The following KIF3C variants were observed in gnomAD, a reference collection of about 807,000 sequenced individuals.
KIF3C encodes the protein kinesin-like protein KIF3C.
In KIF3C, 12 loss-of-function variants were observed where a neutral mutation model predicts 67.7. That is an observed-to-expected ratio of 0.18 (90% CI 0.11 to 0.29). The LOEUF is 0.29. Ranked by LOEUF, KIF3C falls within the 10% of genes least tolerant of loss-of-function variation. The probability of loss-of-function intolerance (pLI) is 1.00; values close to 1 mark genes in which losing one functional copy is unlikely to be tolerated. For missense variants in KIF3C, 789 were observed against 1,059.6 expected, an observed-to-expected ratio of 0.74 and a Z score of 3.55; for synonymous variants, 393 against 426.2, an observed-to-expected ratio of 0.92 and a Z score of 0.96.
intron 5 of KIF3C, among the ~76,000 whole-genome samples, chr2:25,942,218 C>T (rs887597152): frequency 2.7e-5 from 4 of 150,902 alleles, no homozygotes; most frequent in East Asian, 2.0e-4. Flanking sequence ...ATTAGCTGGG[C>T]GTGGTGGCAC....
chr2:25,981,120 T>A lies in KIF3C; in HGVS notation c.798A>T (p.Thr266=), dbSNP rs1470010315. The A allele has an allele frequency of 6.2e-7, 1 of 1,614,094 alleles. No individual in the cohort carries two copies. The highest frequency in any genetic ancestry group is 1.7e-5 in the Admixed American group (1 of 60,016). Residue 266 remains threonine, a synonymous_variant, in exon 1 of 8, where the codon ACA becomes ACT. Coordinates refer to ENST00000264712, the MANE Select transcript of KIF3C (RefSeq NM_002254.8). This position sits in a 1 kb window ranked among gnomAD's most constrained non-coding sequence, Gnocchi z 8.2. ...CGCCACCACCGCCACCCGAGGATGG[T>A]GTGGCTGCCCCTCCCGCTGTGTTGG... ...AGPNTAGGAA[T]PSSGGGGGGG... is the part of the protein sequence containing the mutation.
intron 1 of KIF3C, among the ~76,000 whole-genome samples, chr2:25,977,778 C>T (rs1287028370): frequency 6.6e-6 from 1 of 152,186 alleles, no homozygotes; most frequent in East Asian, 1.9e-4. Context: ...GTAGATTCCT[C>T]AAGAGCCCTC....
rs1056445145 is a variant in KIF3C at position 25,955,379 on chromosome 2, G to A, written c.1770+162C>T. Among the ~76,000 whole-genome samples, 2 of 150,248 alleles carry A rather than the reference G, an allele frequency of 1.3e-5. No individual in the cohort carries two copies. The highest frequency in any genetic ancestry group is 3.9e-4 in the East Asian group (2 of 5,086). On this transcript the variant is annotated intron_variant, in intron 3 of 7. Transcript: ENST00000264712. The surrounding 1 kb of genome is among the most constrained non-coding windows in gnomAD (Gnocchi z 5.0). ...AGGCTCTACTCCACCCCCAGCCCCC[G>A]CCTCCTGCCTCCCCCTGTTGCTCAC...
chr2:25,967,664 T>C (rs1664177944), intron 1 of KIF3C, among the ~76,000 whole-genome samples: 1 of 152,170 alleles, frequency 6.6e-6, no homozygotes, highest in African/African-American at 2.4e-5. Context: ...TTTTAAAAAT[T>C]AGCCAGGCGT....
chr2:25,949,353 C>A (rs34344489), intron 5 of KIF3C, among the ~76,000 whole-genome samples: 1 of 151,988 alleles, frequency 6.6e-6, no homozygotes, highest in Admixed American at 6.6e-5. Flanking sequence ...GCAGGCAGAT[C>A]GCTTCAGCCC....
intron 1 of KIF3C, among the ~76,000 whole-genome samples, chr2:25,967,050 G>A (rs1188232892): frequency 6.6e-6 from 1 of 152,186 alleles, no homozygotes; most frequent in African/African-American, 2.4e-5. Flanking sequence ...TTTCTTCCAG[G>A]TTCAGACAGG....
chr2:25,952,306 A>AC (rs1176989762), intron 4 of KIF3C, among the ~76,000 whole-genome samples: 1 of 152,044 alleles, frequency 6.6e-6, no homozygotes, highest in Non-Finnish European at 1.5e-5. Context: ...GTCTCAAAAA[A>AC]AAATAAGTTA....
At position 25,963,089 on chromosome 2, in the gene KIF3C, CAT is replaced by C. The variant is rs1171472340; in HGVS notation, c.1546-6647_1546-6646del. 9.4e-3 allele frequency among the ~76,000 whole-genome samples: 828 copies of C among 88,156 alleles called. 29 individuals are homozygous for C. Among genetic ancestry groups the C allele is most frequent in the Middle Eastern group, 0.02 (3 of 152 alleles). 57.8% of individuals were successfully genotyped at this position (88,156 alleles called of 152,430 possible). ...ATACACACATACACACACATATATG[CAT>C]ATATATACATATACATGTGTACATA... On this transcript the variant is annotated intron_variant, in intron 1 of 7. Transcript: ENST00000264712.
At position 25,955,735 on chromosome 2, in the gene KIF3C, C is replaced by A; in HGVS notation, c.1648-72G>T. ...GGGAGGGCCAGGAAAGCTCAGGGGACTGGCTCACTCTGCCTGTCTCGGGAC... is the reference window on the plus strand; with the variant it reads ...GGGAGGGCCAGGAAAGCTCAGGGGAATGGCTCACTCTGCCTGTCTCGGGAC... On this transcript the variant is annotated intron_variant, in intron 2 of 7. Transcript: ENST00000264712. This position sits in a 1 kb window ranked among gnomAD's most constrained non-coding sequence, Gnocchi z 5.0. The A allele has an allele frequency of 6.4e-7, 1 of 1,558,012 alleles. No homozygotes were observed. Among genetic ancestry groups the A allele is most frequent in the South Asian group, 1.2e-5 (1 of 86,234 alleles).
chr2:25,932,151 G>A (rs973256290), intron 5 of KIF3C, among the ~76,000 whole-genome samples: 1 of 151,750 alleles, frequency 6.6e-6, no homozygotes, highest in Non-Finnish European at 1.5e-5. Flanking sequence ...ACAGGCGCAT[G>A]CCACCACATC....
chr2:25,981,929 G>A lies in KIF3C; in HGVS notation c.-12C>T. On this transcript the variant is annotated 5_prime_UTR_variant, in exon 1 of 8. Transcript: ENST00000264712. The surrounding 1 kb of genome is among the most constrained non-coding windows in gnomAD (Gnocchi z 8.2). ...GTCTTACTGGCCATCTTGCTGCTCT[G>A]ACCTTCCTGCCCCCGAGCCCCTCCG... The A allele has an allele frequency of 2.0e-6, 3 of 1,524,894 alleles. No individual in the cohort carries two copies. The highest frequency in any genetic ancestry group is 1.3e-5 in the South Asian group (1 of 79,634). The allele number at this position is 1,524,894 out of a possible 1,614,324, so 94.5% of individuals were successfully genotyped here.
chr2:25,928,933 C>T lies in KIF3C; in HGVS notation c.*45G>A, dbSNP rs2090433987. On this transcript the variant is annotated 3_prime_UTR_variant, in exon 8 of 8. Transcript: ENST00000264712. ...GATGAGATGAGCCAGGGTTGGCTGC[C>T]CCATCCCAGGAGTCTATTGGATGGG... 2 of 1,545,382 alleles carry T rather than the reference C, an allele frequency of 1.3e-6. No individual in the cohort carries two copies. Among genetic ancestry groups the T allele is most frequent in the Non-Finnish European group, 8.9e-7 (1 of 1,125,278 alleles).
chr2:25,948,484 C>T (rs775799324), intron 5 of KIF3C, among the ~76,000 whole-genome samples: 3 of 151,200 alleles, frequency 2.0e-5, no homozygotes, highest in African/African-American at 4.9e-5. Flanking sequence ...CCCAGGAGCC[C>T]GAAGCTGCAG....
chr2:25,943,725 C>T (rs1294367385), intron 5 of KIF3C, among the ~76,000 whole-genome samples: 2 of 151,870 alleles, frequency 1.3e-5, no homozygotes, highest in African/African-American at 4.8e-5. Context: ...ATTTGCCAGG[C>T]GTGGTGGCAC....
At chr2:25,937,482 A>G (rs1663165591) in intron 5 of KIF3C, among the ~76,000 whole-genome samples, 1 of 151,956 alleles carries the variant, frequency 6.6e-6, no homozygotes, top group Non-Finnish European at 1.5e-5. Context: ...CCGTGAGGAG[A>G]GGCAGCCTCA....
At chr2:25,950,259 C>G (rs898318476) in intron 5 of KIF3C, among the ~76,000 whole-genome samples, 5 of 150,738 alleles carry the variant, frequency 3.3e-5, no homozygotes, top group Non-Finnish European at 5.9e-5. Flanking sequence ...CTCTTGTTGC[C>G]CAGGCTGGAG....
intron 1 of KIF3C, among the ~76,000 whole-genome samples, chr2:25,968,651 C>T (rs753730227): frequency 2.5e-4 from 38 of 151,960 alleles, no homozygotes; most frequent in Admixed American, 9.8e-4. Context: ...AGATCAGGTG[C>T]GGGGCCCAGA....
At position 25,950,631 on chromosome 2, in the gene KIF3C, A is replaced by G. The variant is rs1376785998; in HGVS notation, c.2006+1158T>C. 2.0e-5 allele frequency among the ~76,000 whole-genome samples: 3 copies of G among 152,160 alleles called. No homozygotes were observed. In the East Asian group the frequency reaches 5.8e-4, roughly 29 times the overall value. On this transcript the variant is annotated intron_variant, in intron 5 of 7. Transcript: ENST00000264712. Reference sequence around the variant, plus strand: ...GGTTTTCTAGCCTGGCTTCAAATGCAGAATCACAAAACCTAAGACCTGGGA... The same window carrying G: ...GGTTTTCTAGCCTGGCTTCAAATGCGGAATCACAAAACCTAAGACCTGGGA...
intron 2 of KIF3C, among the ~76,000 whole-genome samples, chr2:25,956,068 C>G (rs1260812579): frequency 6.6e-6 from 1 of 152,212 alleles, no homozygotes; most frequent in Non-Finnish European, 1.5e-5. Flanking sequence ...AGAACTCACA[C>G]CACCTTGTGG....
Sources: allele counts gnomAD v4.1 joint callset (sites outside exome capture counted in the v4.1 genomes callset), GRCh38; gene constraint gnomAD v4.1.1; non-coding constraint Gnocchi (gnomAD v3.1); transcripts MANE v1.5; gene names NCBI Gene and HGNC (gene_info 2026-07-23, HGNC 2026-07-21).